Variants in EEIG2 observed in about 807,000 individuals in gnomAD.
EEIG2 encodes EEIG family member 2, also known as family with sequence similarity 102 member B.
At chr1:108,626,849 C>T in the EEIG2 span, 1 of 152,274 alleles carries the variant, frequency 6.6e-6, no homozygotes, top group Non-Finnish European at 1.5e-5. Context: ...CCTTGCTCAT[C>T]TAGCTCAGGA....
chr1:108,576,914 C>T, the EEIG2 span, among the ~76,000 whole-genome samples: 1 of 152,034 alleles, frequency 6.6e-6, no homozygotes, highest in Non-Finnish European at 1.5e-5. Context: ...GTCCCACCAA[C>T]AGTGTAAGAG....
chr1:108,581,022 C>T, the EEIG2 span, among the ~76,000 whole-genome samples: 14 of 152,128 alleles, frequency 9.2e-5, no homozygotes, highest in Admixed American at 4.6e-4. Flanking sequence ...TTGCTAGGAG[C>T]TAATGCAACT....
the EEIG2 span, among the ~76,000 whole-genome samples, chr1:108,591,530 T>G: frequency 1.1e-4 from 16 of 152,314 alleles, no homozygotes; most frequent in East Asian, 3.1e-3. Context: ...TTATAATATT[T>G]GTTTATTTGA....
chr1:108,614,444 G>A, the EEIG2 span, among the ~76,000 whole-genome samples: 2 of 151,978 alleles, frequency 1.3e-5, no homozygotes, highest in Non-Finnish European at 2.9e-5. Context: ...TAGATATTCT[G>A]TCTCATACCT....
At chr1:108,608,746 CTTAG>C in the EEIG2 span, among the ~76,000 whole-genome samples, 4 of 152,172 alleles carry the variant, frequency 2.6e-5, no homozygotes, top group Non-Finnish European at 4.4e-5. Flanking sequence ...TAGGGGCTGT[CTTAG>C]TTAGTTTGGG....
At chr1:108,635,031 C>G in the EEIG2 span, 1 of 1,470,798 alleles carries the variant, frequency 6.8e-7, no homozygotes, top group South Asian at 1.1e-5. Flanking sequence ...CCCCATCTCT[C>G]CAGGGGTAAG....
At chr1:108,583,416 A>T in the EEIG2 span, among the ~76,000 whole-genome samples, 2 of 150,960 alleles carry the variant, frequency 1.3e-5, no homozygotes, top group Non-Finnish European at 2.9e-5. Flanking sequence ...AAGTGCTGGG[A>T]TAGGAATGAG....
At chr1:108,635,353 G>A in the EEIG2 span, 1 of 575,834 alleles carries the variant, frequency 1.7e-6, no homozygotes, top group Admixed American at 3.2e-5. Context: ...TCCAGGCACT[G>A]TGCCACTGTG....
the EEIG2 span, chr1:108,629,558 TG>T: frequency 6.9e-7 from 1 of 1,448,298 alleles, no homozygotes; most frequent in Non-Finnish European, 9.6e-7. Context: ...TAATTGTACA[TG>T]TAACAAACAT....
the EEIG2 span, among the ~76,000 whole-genome samples, chr1:108,570,608 A>T: frequency 1.3e-5 from 2 of 152,254 alleles, no homozygotes; most frequent in African/African-American, 4.8e-5. Flanking sequence ...ACTGAAATTT[A>T]AAAACATGAA....
chr1:108,624,292 T>C, the EEIG2 span, among the ~76,000 whole-genome samples: 1 of 152,138 alleles, frequency 6.6e-6, no homozygotes, highest in African/African-American at 2.4e-5. Context: ...CAAAAGGGCT[T>C]GGCACTGCCT....
the EEIG2 span, among the ~76,000 whole-genome samples, chr1:108,568,694 T>G: frequency 6.6e-6 from 1 of 152,228 alleles, no homozygotes; most frequent in Admixed American, 6.5e-5. Flanking sequence ...GTGTGGTAGC[T>G]GTGCTCTGTC....
At chr1:108,612,426 A>G in the EEIG2 span, 12 of 578,770 alleles carry the variant, frequency 2.1e-5, no homozygotes, top group South Asian at 3.3e-4. Context: ...TGAAGTATTC[A>G]TCACTTAGGG....
chr1:108,561,890 G>A, the EEIG2 span, among the ~76,000 whole-genome samples: 1,014 of 152,280 alleles, frequency 6.7e-3, 9 homozygotes, highest in African/African-American at 0.023. Context: ...TGCCACCCCC[G>A]ACGCCAGGCA....
At chr1:108,606,373 C>T in the EEIG2 span, 1 of 532,394 alleles carries the variant, frequency 1.9e-6, no homozygotes, top group Non-Finnish European at 3.2e-6. Context: ...TTTTTGTATG[C>T]AACTTGGAGA....
the EEIG2 span, among the ~76,000 whole-genome samples, chr1:108,564,347 T>C: frequency 6.6e-6 from 1 of 152,174 alleles, no homozygotes; most frequent in Non-Finnish European, 1.5e-5. Context: ...CTCCGAGGTG[T>C]CTCATGTAAG....
At chr1:108,601,918 G>A in the EEIG2 span, among the ~76,000 whole-genome samples, 4 of 152,196 alleles carry the variant, frequency 2.6e-5, no homozygotes, top group South Asian at 8.3e-4. Context: ...GGACAGTGGT[G>A]AACTGGAATG....
the EEIG2 span, among the ~76,000 whole-genome samples, chr1:108,599,187 A>C: frequency 6.6e-6 from 1 of 152,056 alleles, no homozygotes; most frequent in African/African-American, 2.4e-5. Context: ...AACAAAAAAA[A>C]AACAACTGAT....
the EEIG2 span, chr1:108,629,663 T>C: frequency 4.4e-6 from 7 of 1,595,410 alleles, no homozygotes; most frequent in African/African-American, 1.3e-5. Context: ...AATAGGTAAG[T>C]AGTACAAATA....
Sources: allele counts gnomAD v4.1 joint callset (sites outside exome capture counted in the v4.1 genomes callset), GRCh38; gene constraint gnomAD v4.1.1; transcripts MANE v1.5; gene names NCBI Gene and HGNC (gene_info 2026-07-23, HGNC 2026-07-21).